CWC27: variants seen among roughly 807,000 people sequenced by gnomAD.
CWC27 encodes the protein spliceosome-associated protein CWC27 homolog.
In CWC27, 47 loss-of-function variants were observed where a neutral mutation model predicts 63.6. The ratio of observed to expected loss-of-function variants is 0.74; its 90% CI spans 0.58 to 0.94. The LOEUF (loss-of-function observed/expected upper bound fraction) is 0.94, where lower values mean the gene tolerates loss of function less well. Ranked by LOEUF, CWC27 falls within the 40% of genes least tolerant of loss-of-function variation. CWC27 has a pLI of 0.00. For missense variants in CWC27, 495 were observed against 554.3 expected (o/e 0.89, Z 1.07); for synonymous variants, 175 against 179.8 (o/e 0.97, Z 0.22).
At chr5:64,849,409 C>T (rs1013363753) in intron 10 of CWC27, among the ~76,000 whole-genome samples, 1 of 152,196 alleles carries the variant, frequency 6.6e-6, no homozygotes, top group African/African-American at 2.4e-5. Context: ...TGGTTTGGAT[C>T]TGTGTCCCTG....
At chr5:64,812,721 TGTAAGAACTGGTGCGTGCCAGGAAGTG>T (rs1162367106) in intron 10 of CWC27, among the ~76,000 whole-genome samples, 2 of 152,160 alleles carry the variant, frequency 1.3e-5, no homozygotes, top group African/African-American at 4.8e-5. Context: ...CCAGCCACTG[TGTAAGAACTGGTGCGTGCCAGGAAGTG>T]GTAGGCTCCA....
chr5:65,012,468 C>T (rs995188117), intron 13 of CWC27, among the ~76,000 whole-genome samples: 4 of 152,192 alleles, frequency 2.6e-5, no homozygotes, highest in African/African-American at 9.7e-5. Context: ...GCAGGCAATT[C>T]CAAACTCTGC....
intron 7 of CWC27, among the ~76,000 whole-genome samples, chr5:64,799,394 T>C (rs1744398597): frequency 6.6e-6 from 1 of 151,924 alleles, no homozygotes; most frequent in Non-Finnish European, 1.5e-5. Context: ...AAGACCATCC[T>C]GGCCAACATG....
intron 11 of CWC27, among the ~76,000 whole-genome samples, chr5:64,906,281 C>T (rs992261587): frequency 7.9e-5 from 12 of 151,608 alleles, no homozygotes. Context: ...GTTGAACTCC[C>T]ACCAACAGTG....
intron 10 of CWC27, among the ~76,000 whole-genome samples, chr5:64,805,383 ATAG>A (rs1744632505): frequency 6.6e-6 from 1 of 151,514 alleles, no homozygotes; most frequent in African/African-American, 2.4e-5. Flanking sequence ...TATACCATAC[ATAG>A]TAGCTAATAT....
At chr5:64,799,420 T>C (rs1202198126) in intron 7 of CWC27, among the ~76,000 whole-genome samples, 1 of 151,812 alleles carries the variant, frequency 6.6e-6, no homozygotes, top group Non-Finnish European at 1.5e-5. Flanking sequence ...ACCCTGTCTC[T>C]ACTAAAAATA....
At chr5:64,772,475 A>G (rs562717138) in intron 1 of CWC27, among the ~76,000 whole-genome samples, 13 of 151,658 alleles carry the variant, frequency 8.6e-5, no homozygotes, top group Non-Finnish European at 1.6e-4. Flanking sequence ...AAATGCAAAA[A>G]AAGTAGCCGG....
intron 13 of CWC27, among the ~76,000 whole-genome samples, chr5:64,981,256 AT>A (rs1298890462): frequency 6.6e-6 from 1 of 152,216 alleles, no homozygotes; most frequent in Admixed American, 6.5e-5. Context: ...GTAAAAGTAT[AT>A]TTTTATACAT....
Position 64,868,844 on chromosome 5 carries a change from G to A in CWC27, c.939-16599G>A, listed in dbSNP as rs895520457. Among the ~76,000 whole-genome samples the A allele has an allele frequency of 4.6e-5, 7 of 151,862 alleles. No individual in the cohort carries two copies. The East Asian group carries it at 1.2e-3, about 25-fold the overall frequency. On this transcript the variant is annotated intron_variant, in intron 10 of 13. Transcript: ENST00000381070. The stretch of plus-strand genomic sequence containing the variant: ...TAGCATGTTTCACGTAAGCTGAAGC[G>A]TTGCCTCATTGCCTTGCTGTTTCTT...
chr5:64,996,814 A>C (rs1314499932), intron 13 of CWC27, among the ~76,000 whole-genome samples: 2 of 152,194 alleles, frequency 1.3e-5, no homozygotes, highest in Non-Finnish European at 2.9e-5. Flanking sequence ...ATAGTGCATC[A>C]GTATTTTTAT....
At chr5:64,784,404 A>G (rs557844730) in intron 4 of CWC27, among the ~76,000 whole-genome samples, 122 of 152,344 alleles carry the variant, frequency 8.0e-4, no homozygotes, top group African/African-American at 2.8e-3. Flanking sequence ...TGTAAATATT[A>G]CTTTGAATAG....
intron 10 of CWC27, among the ~76,000 whole-genome samples, chr5:64,824,908 A>G (rs1023264627): frequency 6.6e-6 from 1 of 150,880 alleles, no homozygotes; most frequent in Non-Finnish European, 1.5e-5. Flanking sequence ...AATTTTTTCT[A>G]TTTTTAGTAG....
chr5:64,931,364 T>C (rs1314832327), intron 11 of CWC27, among the ~76,000 whole-genome samples: 5 of 151,954 alleles, frequency 3.3e-5, no homozygotes, highest in African/African-American at 1.2e-4. Flanking sequence ...TAGAAAGATA[T>C]GAGTTTTTAA....
intron 11 of CWC27, among the ~76,000 whole-genome samples, chr5:64,950,063 T>C (rs1748674859): frequency 1.3e-5 from 2 of 152,030 alleles, no homozygotes; most frequent in Non-Finnish European, 2.9e-5. Context: ...TAGTAATAAC[T>C]TTATATTGAT....
chr5:64,777,579 G>C (rs192792567), intron 2 of CWC27, among the ~76,000 whole-genome samples: 41 of 152,174 alleles, frequency 2.7e-4, no homozygotes, highest in Non-Finnish European at 4.9e-4. Context: ...TAGAAACCAT[G>C]TGACAAATAC....
At chr5:64,836,425 T>C (rs994640914) in intron 10 of CWC27, among the ~76,000 whole-genome samples, 3 of 152,006 alleles carry the variant, frequency 2.0e-5, no homozygotes, top group African/African-American at 7.2e-5. Flanking sequence ...TTACTTTCAT[T>C]CAATTGTTAA....
intron 11 of CWC27, among the ~76,000 whole-genome samples, chr5:64,965,144 C>A (rs1029294709): frequency 6.6e-6 from 1 of 152,154 alleles, no homozygotes; most frequent in Non-Finnish European, 1.5e-5. Context: ...AGCTGTCGCT[C>A]TCTTTAGAGC....
intron 11 of CWC27, among the ~76,000 whole-genome samples, chr5:64,970,211 ATTTT>A (rs11369937): frequency 1.5e-5 from 2 of 135,344 alleles, no homozygotes. Context: ...TATGAAAGTA[ATTTT>A]TTTTTTTTTT....
chr5:64,779,307 A>G (rs1389668020), intron 2 of CWC27, among the ~76,000 whole-genome samples: 2 of 152,220 alleles, frequency 1.3e-5, no homozygotes, highest in Admixed American at 6.5e-5. Context: ...TGATTGAATC[A>G]TGACTGCCTA....
Sources: gnomAD v4.1 joint callset for allele counts (sites outside exome capture counted in the v4.1 genomes callset) on GRCh38, gnomAD v4.1.1 for gene constraint, MANE v1.5 for transcripts, NCBI Gene and HGNC (gene_info 2026-07-23, HGNC 2026-07-21) for gene names.